Variants in ARFGEF1 observed in about 807,000 individuals in gnomAD.
ARFGEF1 encodes brefeldin A-inhibited guanine nucleotide-exchange protein 1.
Under a neutral mutation model 231.0 loss-of-function variants are expected in ARFGEF1, and 42 were observed. The observed-to-expected ratio is 0.18, with a 90% confidence interval of 0.14 to 0.24. ARFGEF1 has a LOEUF of 0.24. ARFGEF1 is among the 10% of genes least tolerant of loss of function. The pLI is 1.00. For missense variants in ARFGEF1, 1,345 were observed against 2,192.0 expected, an observed-to-expected ratio of 0.61 and a Z score of 7.72; for synonymous variants, 710 against 732.3, an observed-to-expected ratio of 0.97 and a Z score of 0.49.
intron 6 of ARFGEF1, among the ~76,000 whole-genome samples, 183 bp downstream of exon 6, chr8:67,291,660 CATAG>C (rs1333844388): frequency 2.0e-5 from 3 of 152,068 alleles, no homozygotes; most frequent in African/African-American, 4.8e-5. Flanking sequence ...AAGTATCATT[CATAG>C]ATATCTTGTA....
intron 37 of ARFGEF1, 58 bp from the exon 38 acceptor site, chr8:67,200,571 A>G: frequency 9.7e-7 from 1 of 1,035,584 alleles, no homozygotes. Context: ...CCCCATATTC[A>G]CCGAGAAAGA....
chr8:67,282,173 G>A (rs946273303), intron 7 of ARFGEF1, among the ~76,000 whole-genome samples: 12 of 152,028 alleles, frequency 7.9e-5, no homozygotes, highest in African/African-American at 2.9e-4. Flanking sequence ...CTTGCACTAT[G>A]AAAATCAAAA....
intron 1 of ARFGEF1, among the ~76,000 whole-genome samples, chr8:67,338,328 T>C (rs1165703064): frequency 6.6e-6 from 1 of 152,144 alleles, no homozygotes; most frequent in Non-Finnish European, 1.5e-5. Context: ...TTAGGGTTAT[T>C]GTACTTGTCT....
intron 20 of ARFGEF1, among the ~76,000 whole-genome samples, chr8:67,239,383 T>C (rs772716908): frequency 9.2e-5 from 14 of 152,328 alleles, no homozygotes; most frequent in Non-Finnish European, 1.3e-4. Flanking sequence ...TTAGTAAGTT[T>C]TACTTGTCAT....
intron 14 of ARFGEF1, among the ~76,000 whole-genome samples, chr8:67,261,102 A>G (rs1465031203): frequency 6.6e-6 from 1 of 152,152 alleles, no homozygotes; most frequent in Non-Finnish European, 1.5e-5. Context: ...TCCCAACATA[A>G]AAGTGCAAGG....
intron 1 of ARFGEF1, among the ~76,000 whole-genome samples, chr8:67,342,262 C>G (rs1808665626): frequency 6.6e-6 from 1 of 152,168 alleles, no homozygotes; most frequent in Non-Finnish European, 1.5e-5. Flanking sequence ...TAACAATGTT[C>G]CCCCTTTAAC....
chr8:67,343,093 A>ACCC, intron 1 of ARFGEF1, 71 bp downstream of exon 1: 2 of 184,674 alleles, frequency 1.1e-5, no homozygotes, highest in East Asian at 1.2e-4. Context: ...GGGCGACCCC[A>ACCC]CCCCCCCACA....
chr8:67,305,647 T>C (rs937048235), intron 1 of ARFGEF1, among the ~76,000 whole-genome samples: 5 of 152,134 alleles, frequency 3.3e-5, no homozygotes, highest in African/African-American at 1.2e-4. Flanking sequence ...GCGCCCGGCC[T>C]TGTTTTTCTA....
In ARFGEF1 at chr8:67,228,387, A is replaced by C. The variant is rs115840444; in HGVS notation, c.3381-123T>G. ...TAAGGGAACAAAAAATTGGGTATTC[A>C]AATGAGTATTTTTCATCATTTAGTT... On this transcript the variant is annotated intron_variant, in intron 23 of 38. Coordinates refer to ENST00000262215, the MANE Select transcript of ARFGEF1 (RefSeq NM_006421.5). The C allele has an allele frequency of 3.7e-3, 3,029 of 824,732 alleles. 65 individuals are homozygous for C. The African/African-American group carries it at 0.048, about 13-fold the overall frequency. 51.1% of individuals were successfully genotyped at this position (824,732 alleles called of 1,614,324 possible). A position where few individuals can be genotyped will look rare whatever the true frequency, so the allele number is the denominator to read the frequency against.
rs1045070965 is a variant in ARFGEF1, at chr8:67,190,760, G to C, written c.560+9636C>G. ...GAACAAATGGAAAGGACTAGACATT[G>C]TATGTATGAGACTTTTCTCCCCCTT... On this transcript the variant is annotated intron_variant, in intron 5 of 5. Transcript: ENST00000518789. 1.9e-6 allele frequency: 3 copies of C among 1,591,610 alleles called. No individual in the cohort carries two copies. The highest frequency in any genetic ancestry group is 1.7e-6 in the Non-Finnish European group (2 of 1,159,434).
chr8:67,275,060 A>G (rs1805256663), intron 9 of ARFGEF1, among the ~76,000 whole-genome samples: 1 of 152,156 alleles, frequency 6.6e-6, no homozygotes, highest in Admixed American at 6.5e-5. Flanking sequence ...AAGTTTTCAC[A>G]GCAACTGTCT....
intron 1 of ARFGEF1, among the ~76,000 whole-genome samples, chr8:67,327,974 T>A (rs1014456436): frequency 2.0e-5 from 3 of 152,220 alleles, no homozygotes; most frequent in Non-Finnish European, 2.9e-5. Flanking sequence ...TGTACATATA[T>A]CTTTGTAACA....
chr8:67,303,834 ATATAC>A (rs1806613799), intron 1 of ARFGEF1, among the ~76,000 whole-genome samples: 1 of 152,200 alleles, frequency 6.6e-6, no homozygotes, highest in Non-Finnish European at 1.5e-5. Flanking sequence ...TACACTTTAC[ATATAC>A]TAAACTTTAC....
chr8:67,271,834 A>G lies in ARFGEF1; in HGVS notation c.1440T>C (p.Ala480=), dbSNP rs763898713. The change falls in exon 10 of 39, where the codon GCT becomes GCC. Residue 480 remains alanine, a synonymous_variant. Transcript: ENST00000262215. ...GTGCAACACAAAGATACTGCTTAAT[A>G]GCATTAATAAACATCTCATTTGTCC... ...IFRTNEMFIN[A]IKQYLCVALS... 6.2e-7 allele frequency: 1 copy of G among 1,613,742 alleles called. No individual in the cohort carries two copies.
intron 19 of ARFGEF1, 41 bp from the exon 20 acceptor site, chr8:67,240,331 T>C: frequency 1.3e-6 from 2 of 1,512,742 alleles, no homozygotes; most frequent in Non-Finnish European, 1.8e-6. Context: ...AAGATTATGA[T>C]AACACATTAA....
chr8:67,197,786 T>C lies in ARFGEF1; in HGVS notation c.*1148A>G. On this transcript the variant is annotated 3_prime_UTR_variant, in exon 39 of 39. Coordinates refer to ENST00000262215, the MANE Select transcript of ARFGEF1 (RefSeq NM_006421.5). The stretch of plus-strand genomic sequence containing the variant: ...TTTTACATAGAAAACTTTACATCTG[T>C]ACCATATACATTTTGTCCATCTGAA... 14 of 985,886 alleles carry C rather than the reference T, an allele frequency of 1.4e-5. No individual in the cohort carries two copies. Among genetic ancestry groups the C allele is most frequent in the Non-Finnish European group, 1.7e-5 (14 of 829,926 alleles). 61.1% of individuals were successfully genotyped at this position (985,886 alleles called of 1,614,324 possible). A position where few individuals can be genotyped will look rare whatever the true frequency, so the allele number is the denominator to read the frequency against.
intron 22 of ARFGEF1, among the ~76,000 whole-genome samples, chr8:67,236,628 T>C (rs1250184537): frequency 6.6e-6 from 1 of 151,952 alleles, no homozygotes; most frequent in Non-Finnish European, 1.5e-5. Context: ...GTCCACAGAC[T>C]AGCTCCTTCT....
chr8:67,339,952 G>A (rs186175321), intron 1 of ARFGEF1, among the ~76,000 whole-genome samples: 1 of 151,878 alleles, frequency 6.6e-6, no homozygotes, highest in East Asian at 1.9e-4. Context: ...CTTTGAGAAT[G>A]GATTGTTTTA....
intron 1 of ARFGEF1, among the ~76,000 whole-genome samples, chr8:67,321,530 G>A (rs777988568): frequency 7.9e-5 from 12 of 151,978 alleles, no homozygotes; most frequent in Non-Finnish European, 1.2e-4. Context: ...GTGCAATCTC[G>A]GCTCACTGAA....
Sources: gnomAD v4.1 joint callset for allele counts (sites outside exome capture counted in the v4.1 genomes callset) on GRCh38, gnomAD v4.1.1 for gene constraint, MANE v1.5 for transcripts, NCBI Gene and HGNC (gene_info 2026-07-23, HGNC 2026-07-21) for gene names.